The following GPC4 variants were observed in gnomAD, a reference collection of about 807,000 sequenced individuals.
GPC4 encodes the protein glypican 4, also known as glypican-4.
GPC4 carries 10 observed loss-of-function variants against 35.0 expected under a neutral mutation model. The observed-to-expected ratio is 0.29, with a 90% CI of 0.18 to 0.48. The LOEUF is 0.48. Ranked by LOEUF, GPC4 falls within the 20% of genes least tolerant of loss-of-function variation. The pLI is 0.99. For missense variants in GPC4, 322 were observed against 451.3 expected (o/e 0.71, Z 2.60); for synonymous variants, 167 against 170.2 (o/e 0.98, Z 0.15).
chrX:133,404,852 A>AC (rs1491106882), intron 1 of GPC4, among the ~76,000 whole-genome samples: 7 of 87,838 alleles, frequency 8.0e-5, no homozygotes, highest in African/African-American at 2.8e-4. Flanking sequence ...ACCCTGTCTC[A>AC]AAAAAAAAAA....
At chrX:133,377,998 G>A (rs1366454426) in intron 1 of GPC4, among the ~76,000 whole-genome samples, 4 of 103,610 alleles carry the variant, frequency 3.9e-5, no homozygotes, top group African/African-American at 7.1e-5. Flanking sequence ...GGGTTCACGC[G>A]ACCCTCCGAC....
Position 133,324,478 on chromosome X carries a change from C to T in GPC4, c.378G>A (p.Lys126=). 2 of 1,177,121 alleles carry T rather than the reference C, an allele frequency of 1.7e-6. No individual in the cohort carries two copies. Among genetic ancestry groups the T allele is most frequent in the Non-Finnish European group, 2.3e-6 (2 of 878,543 alleles). ...AEKSLNDMFV[K]TYGHLYMQNS... ...TTTGCATGTATAAATGGCCATATGTCTTCACAAACATATCATTCAGGGATT... is the reference window on the plus strand; with the variant it reads ...TTTGCATGTATAAATGGCCATATGTTTTCACAAACATATCATTCAGGGATT... The change falls in exon 3 of 9, where the codon AAG becomes AAA. Residue 126 remains lysine, a synonymous_variant. Coordinates refer to ENST00000370828, the MANE Select transcript of GPC4 (RefSeq NM_001448.3).
At chrX:133,320,548 C>T (rs1200538319) in intron 3 of GPC4, among the ~76,000 whole-genome samples, 1 of 104,178 alleles carries the variant, frequency 9.6e-6, no homozygotes. Context: ...TGCTTGAACC[C>T]AGGAGATGGA....
intron 1 of GPC4, among the ~76,000 whole-genome samples, chrX:133,398,025 T>A (rs921391306): frequency 8.9e-6 from 1 of 111,810 alleles, no homozygotes; most frequent in African/African-American, 3.2e-5. Flanking sequence ...GATTGCCCCA[T>A]CGCACTCCAG....
At position 133,414,794 on chromosome X, in the gene GPC4, G is replaced by A. The variant is rs200113233; in HGVS notation, c.160+12C>T. On this transcript the variant is annotated intron_variant, in intron 1 of 8. Transcript: ENST00000370828. Reference sequence around the variant, plus strand: ...CGGTCTCTGCGCCCACCTCCCGGGTGTGCCCACCTACCGTTGATCTCGTGG... The same window carrying A: ...CGGTCTCTGCGCCCACCTCCCGGGTATGCCCACCTACCGTTGATCTCGTGG... 1 of 1,208,158 alleles carries A rather than the reference G, an allele frequency of 8.3e-7. No homozygotes were observed. The highest frequency in any genetic ancestry group is 1.1e-6 in the Non-Finnish European group (1 of 893,277).
At chrX:133,363,973 A>T (rs954404138) in intron 1 of GPC4, among the ~76,000 whole-genome samples, 2 of 112,152 alleles carry the variant, frequency 1.8e-5, no homozygotes, top group Admixed American at 1.9e-4. Context: ...CATAAAACAT[A>T]GTGTTCCAAG....
chrX:133,307,821 G>A (rs2068297338), intron 4 of GPC4, among the ~76,000 whole-genome samples: 2 of 112,119 alleles, frequency 1.8e-5, no homozygotes, highest in Admixed American at 1.9e-4. Flanking sequence ...AAAACCCAGT[G>A]CATTTTGTAA....
chrX:133,342,443 A>C (rs2068471463), intron 1 of GPC4, among the ~76,000 whole-genome samples: 1 of 112,149 alleles, frequency 8.9e-6, no homozygotes, highest in Admixed American at 9.4e-5. Context: ...TGTAAAGGAC[A>C]ACAACAGGGT....
intron 2 of GPC4, among the ~76,000 whole-genome samples, chrX:133,335,104 A>C (rs1279110418): frequency 9.0e-6 from 1 of 111,275 alleles, no homozygotes; most frequent in African/African-American, 3.3e-5. Flanking sequence ...TTTGCCAAGC[A>C]ATTTTCCCTA....
chrX:133,409,154 TG>T (rs1428201963), intron 1 of GPC4, among the ~76,000 whole-genome samples: 6 of 72,662 alleles, frequency 8.3e-5, no homozygotes, highest in African/African-American at 4.3e-4. Flanking sequence ...AACTTCATCT[TG>T]GAAAAAAAAA....
intron 1 of GPC4, among the ~76,000 whole-genome samples, chrX:133,406,229 T>G (rs1161558561): frequency 8.9e-6 from 1 of 112,585 alleles, no homozygotes; most frequent in African/African-American, 3.2e-5. Context: ...GTATTCTCAT[T>G]GTGCTTGTCT....
chrX:133,338,088 T>A (rs1283393463), intron 2 of GPC4, among the ~76,000 whole-genome samples: 5 of 110,656 alleles, frequency 4.5e-5, no homozygotes. Flanking sequence ...CTTATTAAAT[T>A]GGTTATAAGT....
At chrX:133,344,925 C>T (rs1168037356) in intron 1 of GPC4, among the ~76,000 whole-genome samples, 2 of 112,211 alleles carry the variant, frequency 1.8e-5, no homozygotes, top group Non-Finnish European at 3.8e-5. Flanking sequence ...GGGTAAGGAC[C>T]GCAGTGAGGA....
chrX:133,386,774 C>A (rs1460546602), intron 1 of GPC4, among the ~76,000 whole-genome samples: 1 of 111,892 alleles, frequency 8.9e-6, no homozygotes, highest in Non-Finnish European at 1.9e-5. Flanking sequence ...AGTTTCTAAT[C>A]CCTTTAGTTT....
At chrX:133,341,164 C>A (rs1342122719) in intron 1 of GPC4, among the ~76,000 whole-genome samples, 1 of 111,734 alleles carries the variant, frequency 8.9e-6, no homozygotes, top group Non-Finnish European at 1.9e-5. Context: ...AAGTTCACAG[C>A]AGGCCTTCGG....
chrX:133,405,740 A>G lies in GPC4; in HGVS notation c.160+9066T>C, dbSNP rs1457181103. On this transcript the variant is annotated intron_variant, in intron 1 of 8. Transcript: ENST00000370828. The stretch of plus-strand genomic sequence containing the variant: ...CTGCCATAGACTGGGAAACTGGATA[A>G]CCAAAGCATTTTATCTTCTCACGTA... Among the ~76,000 whole-genome samples the G allele has an allele frequency of 2.7e-5, 3 of 112,371 alleles. No individual in the cohort carries two copies. In the South Asian group the frequency reaches 1.1e-3, roughly 42 times the overall value.
At position 133,405,104 on chromosome X, in the gene GPC4, C is replaced by CTT. The variant is rs746824918; in HGVS notation, c.160+9700_160+9701dup. 4.5e-3 allele frequency among the ~76,000 whole-genome samples: 300 copies of CTT among 67,088 alleles called. 1 individual carries two copies. Among genetic ancestry groups the CTT allele is most frequent in the African/African-American group, 0.012 (163 of 14,092 alleles). 58.3% of individuals were successfully genotyped at this position (67,088 alleles called of 115,157 possible). A position where few individuals can be genotyped will look rare whatever the true frequency, so the allele number is the denominator to read the frequency against. ...TATTTTGAATATTTCCAATAGAACT[C>CTT]TTTTTTTTTTTTTTTTTTTTTGAGA... On this transcript the variant is annotated intron_variant, in intron 1 of 8. Transcript: ENST00000370828.
intron 1 of GPC4, among the ~76,000 whole-genome samples, chrX:133,364,531 A>G (rs2068581982): frequency 8.9e-6 from 1 of 112,352 alleles, no homozygotes; most frequent in South Asian, 3.7e-4. Flanking sequence ...CTCCAAAACA[A>G]GGGTTTTAAT....
chrX:133,336,655 A>G (rs41537046), intron 2 of GPC4, among the ~76,000 whole-genome samples: 40,770 of 109,947 alleles, frequency 0.37, 6,447 homozygotes, highest in African/African-American at 0.6. Context: ...CTGTAACCTA[A>G]CATGGAGAAA....
Sources: allele counts gnomAD v4.1 joint callset (sites outside exome capture counted in the v4.1 genomes callset), GRCh38; gene constraint gnomAD v4.1.1; transcripts MANE v1.5; gene names NCBI Gene and HGNC (gene_info 2026-07-23, HGNC 2026-07-21).